Variants in IDE observed in about 807,000 individuals in gnomAD.
IDE encodes the protein insulin degrading enzyme, also known as insulin-degrading enzyme.
Under a neutral mutation model 133.2 loss-of-function variants are expected in IDE, and 58 were observed. That is an observed-to-expected ratio of 0.44 (90% CI 0.35 to 0.54). IDE has a LOEUF of 0.54. IDE is among the 20% of genes least tolerant of loss of function. The probability of loss-of-function intolerance (pLI) is 0.00; values close to 1 mark genes in which losing one functional copy is unlikely to be tolerated. For missense variants in IDE, 981 were observed against 1,234.0 expected (o/e 0.79, Z 3.07); for synonymous variants, 396 against 421.3 (o/e 0.94, Z 0.73).
At chr10:92,503,099 C>A (rs1589434552) in intron 11 of IDE, among the ~76,000 whole-genome samples, 1 of 152,024 alleles carries the variant, frequency 6.6e-6, no homozygotes, top group Non-Finnish European at 1.5e-5. Context: ...GTATCTTATT[C>A]CAATTTAAAA....
intron 17 of IDE, among the ~76,000 whole-genome samples, chr10:92,471,723 A>G (rs1034716042): frequency 2.4e-4 from 37 of 152,078 alleles, no homozygotes; most frequent in African/African-American, 8.0e-4. Flanking sequence ...ATTTTTATTT[A>G]TTTATTTTTG....
intron 1 of IDE, among the ~76,000 whole-genome samples, chr10:92,564,979 C>G (rs912234748): frequency 6.6e-6 from 1 of 151,936 alleles, no homozygotes. Flanking sequence ...GGTGTGCTGG[C>G]TCATGCCTGT....
At chr10:92,467,235 A>AT (rs1428034819) in intron 19 of IDE, among the ~76,000 whole-genome samples, 1 of 151,674 alleles carries the variant, frequency 6.6e-6, no homozygotes. Context: ...TGCCCAGCTA[A>AT]TTTTTTTTAT....
chr10:92,559,117 A>G (rs1021079658), intron 1 of IDE: 1 of 152,208 alleles, frequency 6.6e-6, no homozygotes, highest in African/African-American at 2.4e-5. Flanking sequence ...AAGTACATAT[A>G]GCAAGTGTTG....
chr10:92,530,226 C>A (rs1589485925), intron 4 of IDE, among the ~76,000 whole-genome samples: 1 of 149,646 alleles, frequency 6.7e-6, no homozygotes, highest in South Asian at 2.1e-4. Flanking sequence ...GACTCCGTCT[C>A]AATAAATAAA....
chr10:92,492,266 A>G (rs1440943303), intron 11 of IDE, among the ~76,000 whole-genome samples: 1 of 152,006 alleles, frequency 6.6e-6, no homozygotes, highest in East Asian at 1.9e-4. Flanking sequence ...TCTCAAAAAA[A>G]AAAAGAAAAG....
In IDE at chr10:92,454,648, C is replaced by T. The variant is rs762872262; in HGVS notation, c.2965-109G>A. The T allele has an allele frequency of 3.7e-5, 28 of 759,194 alleles. No homozygotes were observed. The East Asian group carries it at 6.6e-4, about 18-fold the overall frequency. 47.0% of individuals were successfully genotyped at this position (759,194 alleles called of 1,614,324 possible). A position where few individuals can be genotyped will look rare whatever the true frequency, so the allele number is the denominator to read the frequency against. ...GCATACCTCAGTTCTACTTAATATA[C>T]TGTTTTTTTGTTTTGGCTTGAGGCC... On this transcript the variant is annotated intron_variant, in intron 24 of 24. Transcript: ENST00000265986.
chr10:92,542,211 C>G (rs1842342388), intron 1 of IDE, among the ~76,000 whole-genome samples: 1 of 152,098 alleles, frequency 6.6e-6, no homozygotes. Flanking sequence ...CTCTGTCACC[C>G]AGGCACAATC....
rs375092656 is a variant in IDE, at chr10:92,519,997, G to A, written c.662-4955C>T. On this transcript the variant is annotated intron_variant, in intron 4 of 24. Transcript: ENST00000265986. ...TGGTCACCTGTAGTCCCAGCTACTCGGGGAGGCCGAGGCAGGAGAATCGCT... is the reference window on the plus strand; with the variant it reads ...TGGTCACCTGTAGTCCCAGCTACTCAGGGAGGCCGAGGCAGGAGAATCGCT... Among the ~76,000 whole-genome samples, 88 of 152,154 alleles carry A rather than the reference G, an allele frequency of 5.8e-4. No homozygotes were observed. In the Middle Eastern group the frequency reaches 0.017, roughly 29 times the overall value.
chr10:92,552,878 A>AAAAAAAAAAAAAAAAAAT (rs1842851054), intron 1 of IDE, among the ~76,000 whole-genome samples: 1 of 145,574 alleles, frequency 6.9e-6, no homozygotes, highest in Admixed American at 7.0e-5. Context: ...AAAAAAAAAA[A>AAAAAAAAAAAAAAAAAAT]TTATTTTCCA....
chr10:92,536,732 A>G (rs1433701935), intron 2 of IDE, among the ~76,000 whole-genome samples: 4 of 148,792 alleles, frequency 2.7e-5, no homozygotes. Context: ...AAATGTGCAC[A>G]CAAGAACCTA....
intron 5 of IDE, among the ~76,000 whole-genome samples, chr10:92,514,485 G>T (rs1848796391): frequency 6.6e-6 from 1 of 151,884 alleles, no homozygotes. Context: ...ACCCAGGCTG[G>T]AGTGCAGTGG....
rs35101389 is a variant in IDE at position 92,505,028 on chromosome 10, A to G, written c.1327-131T>C. 4.7e-5 allele frequency: 24 copies of G among 514,060 alleles called. No homozygotes were observed. The East Asian group carries it at 8.4e-4, about 18-fold the overall frequency. The allele number at this position is 514,060 out of a possible 1,614,324, so 31.8% of individuals were successfully genotyped here. ...CTTCAGTTAAATTTTACTCCATTGG[A>G]AAAATTTTCTGTAGCCCTAAATCGT... On this transcript the variant is annotated intron_variant, in intron 10 of 24. Coordinates refer to ENST00000265986, the MANE Select transcript of IDE (RefSeq NM_004969.4).
At chr10:92,531,075 G>C (rs955522395) in intron 4 of IDE, among the ~76,000 whole-genome samples, 1 of 152,164 alleles carries the variant, frequency 6.6e-6, no homozygotes, top group African/African-American at 2.4e-5. Context: ...TGGTGAGCAT[G>C]ACTGGCAGGA....
chr10:92,475,140 A>C (rs907802573), intron 16 of IDE, among the ~76,000 whole-genome samples, 179 bp from the exon 17 acceptor site: 1 of 152,206 alleles, frequency 6.6e-6, no homozygotes, highest in Middle Eastern at 3.2e-3. Flanking sequence ...CTTTACATAA[A>C]AGTGCATGCT....
intron 9 of IDE, 133 bp downstream of exon 9, chr10:92,507,442 A>G (rs1162871805): frequency 1.5e-6 from 1 of 655,614 alleles, no homozygotes; most frequent in African/African-American, 1.8e-5. Context: ...ACTATTATAC[A>G]TTGCAAAATT....
At chr10:92,516,126 G>A (rs887516945) in intron 4 of IDE, among the ~76,000 whole-genome samples, 2 of 146,474 alleles carry the variant, frequency 1.4e-5, no homozygotes, top group African/African-American at 2.5e-5. Flanking sequence ...CCGAAATCAC[G>A]CCGAGTCAAG....
Position 92,487,327 on chromosome 10 carries a change from A to G in IDE, c.1534-9T>C. ...TCAGCATTTTGCCATTTCTGGATGA[A>G]TAATGAAACACACAAATGCAGTAAG... On this transcript the variant is annotated splice_polypyrimidine_tract_variant and intron_variant, in intron 12 of 24. Coordinates refer to ENST00000265986, the MANE Select transcript of IDE (RefSeq NM_004969.4). 6.2e-7 allele frequency: 1 copy of G among 1,607,606 alleles called. No individual in the cohort carries two copies. The highest frequency in any genetic ancestry group is 8.5e-7 in the Non-Finnish European group (1 of 1,176,588).
chr10:92,461,086 C>T, intron 22 of IDE, 105 bp downstream of exon 22: 1 of 594,328 alleles, frequency 1.7e-6, no homozygotes, highest in Non-Finnish European at 3.1e-6. Context: ...AGTGATCCTT[C>T]CACCTTGGCC....
Sources: allele counts gnomAD v4.1 joint callset (sites outside exome capture counted in the v4.1 genomes callset), GRCh38; gene constraint gnomAD v4.1.1; transcripts MANE v1.5; gene names NCBI Gene and HGNC (gene_info 2026-07-23, HGNC 2026-07-21).